CDH12: variants seen among roughly 807,000 people sequenced by gnomAD.
CDH12 encodes cadherin 12, also known as cadherin-12.
CDH12 carries 41 observed loss-of-function variants against 74.1 expected under a neutral mutation model. The observed-to-expected ratio is 0.55, with a 90% CI of 0.43 to 0.72. The LOEUF is 0.72. Ranked by LOEUF, CDH12 falls within the 30% of genes least tolerant of loss-of-function variation. The pLI, the probability that CDH12 is intolerant of heterozygous loss-of-function variation, is 0.00. For synonymous variants in CDH12, 399 were observed against 355.0 expected, an observed-to-expected ratio of 1.12 and a Z score of -1.39; for missense variants, 945 against 977.2, an observed-to-expected ratio of 0.97 and a Z score of 0.44.
chr5:21,783,418 C>T lies in CDH12; in HGVS notation c.1333G>A (p.Glu445Lys), dbSNP rs753693512. The change falls in exon 11 of 15, where the codon GAA becomes AAA. Residue 445 changes from glutamate (E) to lysine (K), a missense_variant. Physicochemically the swap from Glu to Lys is moderately conservative, Grantham distance 56 (BLOSUM62 1). Transcript: ENST00000382254. ...GCAGTGCTTTCTCTGTCTAGTAATT[C>T]ATTAGTGGCGATGGTTCCTTCATTT... ...DGNEGTIATN[E>K]LLDRESTAQY... The T allele has an allele frequency of 6.2e-7, 1 of 1,611,190 alleles. No homozygotes were observed. Among genetic ancestry groups the T allele is most frequent in the Non-Finnish European group, 8.5e-7 (1 of 1,177,396 alleles).
chr5:22,554,120 A>C (rs1738692024), intron 1 of CDH12, among the ~76,000 whole-genome samples: 1 of 152,106 alleles, frequency 6.6e-6, no homozygotes, highest in South Asian at 2.1e-4. Flanking sequence ...AATTATGGAG[A>C]CAGTAAAAAG....
intron 3 of CDH12, among the ~76,000 whole-genome samples, chr5:22,348,024 A>T (rs551976578): frequency 1.3e-5 from 2 of 152,308 alleles, no homozygotes; most frequent in Admixed American, 1.3e-4. Context: ...CAACAACCAG[A>T]ACCAAAGCTC....
chr5:22,412,890 G>A (rs907768345), intron 2 of CDH12, among the ~76,000 whole-genome samples: 36 of 151,870 alleles, frequency 2.4e-4, no homozygotes, highest in African/African-American at 8.7e-4. Context: ...TATTTTTAAT[G>A]TTTCCCTTTT....
chr5:22,780,536 G>T (rs553726150), intron 1 of CDH12, among the ~76,000 whole-genome samples: 1 of 152,180 alleles, frequency 6.6e-6, no homozygotes, highest in Non-Finnish European at 1.5e-5. Flanking sequence ...CAGAGCAAAG[G>T]AGGGAAAGCT....
intron 1 of CDH12, among the ~76,000 whole-genome samples, chr5:22,651,702 T>G (rs953865111): frequency 2.0e-5 from 2 of 101,284 alleles, no homozygotes; most frequent in African/African-American, 3.5e-5. Flanking sequence ...AGGATGGTGG[T>G]TTTTTTTTTT....
intron 10 of CDH12, among the ~76,000 whole-genome samples, chr5:21,785,672 G>C (rs975407238): frequency 6.6e-6 from 1 of 152,182 alleles, no homozygotes; most frequent in Non-Finnish European, 1.5e-5. Context: ...GCTGTCTTCT[G>C]TTCTATGAAG....
chr5:22,752,545 CTTTTTTTTTTTTTTTTTT>C (rs1159388186), intron 1 of CDH12, among the ~76,000 whole-genome samples: 3 of 65,784 alleles, frequency 4.6e-5, no homozygotes, highest in African/African-American at 1.4e-4. Context: ...TAGGATACTT[CTTTTTTTTTTTTTTTTTT>C]TTTTTTTTTT....
chr5:22,821,912 C>G (rs1353322331), intron 1 of CDH12, among the ~76,000 whole-genome samples: 17 of 151,632 alleles, frequency 1.1e-4, no homozygotes, highest in Non-Finnish European at 2.2e-4. Flanking sequence ...AAAAAAGAGC[C>G]TGCATTGCCA....
At chr5:21,873,357 C>T (rs1336754121) in intron 6 of CDH12, among the ~76,000 whole-genome samples, 1 of 152,050 alleles carries the variant, frequency 6.6e-6, no homozygotes, top group Non-Finnish European at 1.5e-5. Context: ...TACTTAAAGC[C>T]AACAAAATCA....
intron 3 of CDH12, among the ~76,000 whole-genome samples, chr5:22,355,229 C>T (rs1235762107): frequency 6.6e-6 from 1 of 151,928 alleles, no homozygotes; most frequent in African/African-American, 2.4e-5. Context: ...TGATATCTTC[C>T]TTTTCATGAC....
intron 6 of CDH12, among the ~76,000 whole-genome samples, chr5:21,898,977 A>G (rs1267749394): frequency 6.6e-6 from 1 of 152,102 alleles, no homozygotes; most frequent in Non-Finnish European, 1.5e-5. Flanking sequence ...ATCTCACACA[A>G]TTTCTCCTGC....
chr5:22,615,935 A>G (rs888844220), intron 1 of CDH12, among the ~76,000 whole-genome samples: 13 of 152,136 alleles, frequency 8.5e-5, no homozygotes, highest in Non-Finnish European at 1.8e-4. Context: ...TTCCCATGCT[A>G]TCTAACTATC....
At chr5:22,419,039 A>G (rs1743520706) in intron 2 of CDH12, among the ~76,000 whole-genome samples, 1 of 152,026 alleles carries the variant, frequency 6.6e-6, no homozygotes, top group Non-Finnish European at 1.5e-5. Flanking sequence ...TGGTTTTTGT[A>G]TTGGTTCTGC....
chr5:22,265,416 T>A (rs941460485), intron 3 of CDH12, among the ~76,000 whole-genome samples: 3 of 152,196 alleles, frequency 2.0e-5, no homozygotes, highest in Non-Finnish European at 4.4e-5. Context: ...GTTACTATAG[T>A]CTTAACTTCA....
chr5:21,840,327 A>G (rs1446212188), intron 8 of CDH12, among the ~76,000 whole-genome samples: 1 of 152,160 alleles, frequency 6.6e-6, no homozygotes, highest in Non-Finnish European at 1.5e-5. Context: ...TTTAATAAAA[A>G]TTGATAGCAT....
chr5:22,540,893 A>G (rs1467166396), intron 1 of CDH12, among the ~76,000 whole-genome samples: 1 of 152,164 alleles, frequency 6.6e-6, no homozygotes, highest in Non-Finnish European at 1.5e-5. Context: ...TATAGCAATT[A>G]TTGGTAATGG....
intron 1 of CDH12, among the ~76,000 whole-genome samples, chr5:22,753,938 C>T (rs1334590500): frequency 6.6e-6 from 1 of 152,074 alleles, no homozygotes; most frequent in Non-Finnish European, 1.5e-5. Flanking sequence ...CTTCATTTTT[C>T]CTCTTAATGA....
chr5:22,260,657 C>T (rs367978303), intron 3 of CDH12, among the ~76,000 whole-genome samples: 3 of 151,994 alleles, frequency 2.0e-5, no homozygotes, highest in Non-Finnish European at 2.9e-5. Flanking sequence ...TTTAAATTTT[C>T]GGAGATTAGA....
chr5:21,807,819 A>G (rs1747517837), intron 9 of CDH12, among the ~76,000 whole-genome samples: 1 of 152,144 alleles, frequency 6.6e-6, no homozygotes, highest in Admixed American at 6.6e-5. Context: ...TCTCACTCAC[A>G]TAAACTTATT....
Sources: gnomAD v4.1 joint callset for allele counts (sites outside exome capture counted in the v4.1 genomes callset) on GRCh38, gnomAD v4.1.1 for gene constraint, MANE v1.5 for transcripts, NCBI Gene and HGNC (gene_info 2026-07-23, HGNC 2026-07-21) for gene names.